The following PALMD variants were observed in gnomAD, a reference collection of about 807,000 sequenced individuals.
The protein encoded by PALMD is palmdelphin, also known as paralemmin-like protein.
PALMD carries 42 observed loss-of-function variants against 56.2 expected under a neutral mutation model. That is an observed-to-expected ratio of 0.75 (90% CI 0.58 to 0.97). The LOEUF (loss-of-function observed/expected upper bound fraction) is 0.97. Ranked by LOEUF, PALMD falls within the 50% of genes least tolerant of loss-of-function variation. PALMD has a pLI of 0.00. For missense variants in PALMD, 660 were observed against 643.8 expected, an observed-to-expected ratio of 1.03 and a Z score of -0.27; for synonymous variants, 242 against 222.9, an observed-to-expected ratio of 1.09 and a Z score of -0.76.
chr1:99,673,081 C>T (rs1571068245), intron 3 of PALMD, among the ~76,000 whole-genome samples: 1 of 152,074 alleles, frequency 6.6e-6, no homozygotes, highest in South Asian at 2.1e-4. Context: ...GAAAATTCCT[C>T]CACAAAAGGA....
At chr1:99,682,112 T>C (rs778084467) in intron 3 of PALMD, among the ~76,000 whole-genome samples, 31 of 152,326 alleles carry the variant, frequency 2.0e-4, no homozygotes, top group Non-Finnish European at 3.4e-4. Context: ...CATTCTGATC[T>C]TTTAGAAAGC....
At chr1:99,688,695 T>A in intron 6 of PALMD, 80 bp from the exon 7 acceptor site, 2 of 920,090 alleles carry the variant, frequency 2.2e-6, no homozygotes, top group South Asian at 3.4e-5. Context: ...CTACTTAATA[T>A]AAAAATAAAC....
At chr1:99,667,613 G>A (rs1376060697) in intron 2 of PALMD, 29 bp from the exon 3 acceptor site, 3 of 1,599,120 alleles carry the variant, frequency 1.9e-6, no homozygotes, top group Non-Finnish European at 2.6e-6. Flanking sequence ...ACCAATATAA[G>A]AACATATCTT....
intron 3 of PALMD, among the ~76,000 whole-genome samples, chr1:99,678,898 A>G (rs1460092543): frequency 6.6e-6 from 1 of 152,048 alleles, no homozygotes; most frequent in Admixed American, 6.5e-5. Flanking sequence ...GGCCAAGGCA[A>G]GGCGGGAGGA....
chr1:99,680,842 A>G (rs182135662), intron 3 of PALMD, among the ~76,000 whole-genome samples: 216 of 151,588 alleles, frequency 1.4e-3, no homozygotes, highest in African/African-American at 5.1e-3. Flanking sequence ...ATATGTGTGT[A>G]TATATATGCA....
intron 1 of PALMD, among the ~76,000 whole-genome samples, chr1:99,648,888 C>CAAAA (rs34722891): frequency 1.0e-4 from 13 of 126,926 alleles, no homozygotes; most frequent in African/African-American, 3.3e-4. Context: ...TTCTTTTTCT[C>CAAAA]AAAAAAAAAA....
intron 3 of PALMD, among the ~76,000 whole-genome samples, chr1:99,674,255 C>G (rs1444264553): frequency 3.9e-5 from 6 of 152,022 alleles, no homozygotes; most frequent in African/African-American, 1.5e-4. Context: ...TGGTTACTGG[C>G]CCCCACCATG....
Position 99,689,620 on chromosome 1 carries a change from G to T in PALMD, c.1360G>T (p.Asp454Tyr), listed in dbSNP as rs1385900275. 2 of 1,613,656 alleles carry T rather than the reference G, an allele frequency of 1.2e-6. No individual in the cohort carries two copies. Among genetic ancestry groups the T allele is most frequent in the Admixed American group, 1.7e-5 (1 of 59,906 alleles). The change falls in exon 7 of 8, where the codon GAT becomes TAT. Residue 454 changes from aspartate (D) to tyrosine (Y), a missense_variant. Transcript: ENST00000263174. ...TGTGATTGATGATGAGGAGGAGGAGGATGAAGGAGAAGCAGAGAAACCGTC... is the reference window on the plus strand; with the variant it reads ...TGTGATTGATGATGAGGAGGAGGAGTATGAAGGAGAAGCAGAGAAACCGTC... ...LVVIDDEEEE[D>Y]EGEAEKPSYH... is the part of the protein sequence containing the mutation.
chr1:99,683,475 G>C (rs1653418390), intron 3 of PALMD: 9 of 152,082 alleles, frequency 5.9e-5, no homozygotes, highest in Admixed American at 5.9e-4. Context: ...CAATTATTCA[G>C]GTCACAAACA....
At chr1:99,656,483 A>G (rs1652727692) in intron 1 of PALMD, among the ~76,000 whole-genome samples, 1 of 152,222 alleles carries the variant, frequency 6.6e-6, no homozygotes, top group Non-Finnish European at 1.5e-5. Context: ...CAATGAAAAT[A>G]TCAGCAAAGC....
intron 3 of PALMD, among the ~76,000 whole-genome samples, chr1:99,681,131 GTGTGTATGTA>G (rs754373253): frequency 1.6e-4 from 22 of 140,946 alleles, no homozygotes; most frequent in Non-Finnish European, 3.1e-4. Context: ...GTGTGTGTGT[GTGTGTATGTA>G]TATATATATA....
At chr1:99,664,430 G>A (rs1652916714) in intron 2 of PALMD, among the ~76,000 whole-genome samples, 1 of 152,060 alleles carries the variant, frequency 6.6e-6, no homozygotes, top group Non-Finnish European at 1.5e-5. Context: ...AAGCTATGAA[G>A]CTAGACACTA....
chr1:99,667,015 G>T (rs532532807), intron 2 of PALMD, among the ~76,000 whole-genome samples: 1 of 152,286 alleles, frequency 6.6e-6, no homozygotes, highest in East Asian at 1.9e-4. Context: ...TATAACCAGG[G>T]AGATTCTGAG....
intron 3 of PALMD, among the ~76,000 whole-genome samples, chr1:99,683,090 GAAAGAAAGAAAGAAAGAAAGAA>G (rs1191567395): frequency 7.1e-4 from 23 of 32,390 alleles, no homozygotes; most frequent in South Asian, 1.2e-3. Context: ...GAGAGAGAGA[GAAAGAAAGAAAGAAAGAAAGAA>G]AGAAAGAAAG....
Position 99,689,178 on chromosome 1 carries a change from C to A in PALMD, c.918C>A (p.Gly306=). The A allele has an allele frequency of 6.2e-7, 1 of 1,613,208 alleles. No homozygotes were observed. Among genetic ancestry groups the A allele is most frequent in the East Asian group, 2.2e-5 (1 of 44,842 alleles). The change falls in exon 7 of 8, where the codon GGC becomes GGA. Residue 306 remains glycine (G), a synonymous_variant. Coordinates refer to ENST00000263174, the MANE Select transcript of PALMD (RefSeq NM_017734.5). ...TAAATGAATCCATACACAATATGGG[C>A]AATGGTCTTTCAGAGGAAAGGGGAA... is the stretch of plus-strand genomic sequence containing the variant. ...IGVNESIHNM[G]NGLSEERGNN...
At chr1:99,662,529 C>T (rs1349874959) in intron 2 of PALMD, 130 bp downstream of exon 2, 2 of 653,510 alleles carry the variant, frequency 3.1e-6, no homozygotes, top group Non-Finnish European at 5.5e-6. Flanking sequence ...ATTGTAATAA[C>T]CATAGGGGAG....
rs565037478 is a variant in PALMD, at chr1:99,689,638, A to G, written c.1378A>G (p.Lys460Glu). The G allele has an allele frequency of 1.9e-6, 3 of 1,613,532 alleles. No individual in the cohort carries two copies. The highest frequency in any genetic ancestry group is 2.5e-6 in the Non-Finnish European group (3 of 1,179,822). ...EEEEDEGEAE[K>E]PSYHPIAPHS... The stretch of plus-strand genomic sequence containing the variant: ...GGAGGAGGATGAAGGAGAAGCAGAG[A>G]AACCGTCCTACCACCCCATAGCTCC... Residue 460 changes from lysine to glutamate, a missense_variant, in exon 7 of 8, where the codon AAA (lysine) becomes GAA (glutamate). Physicochemically the swap from Lys to Glu is moderately conservative, Grantham distance 56. Coordinates refer to ENST00000263174, the MANE Select transcript of PALMD (RefSeq NM_017734.5).
chr1:99,665,770 A>G (rs556649529), intron 2 of PALMD, among the ~76,000 whole-genome samples: 2 of 152,300 alleles, frequency 1.3e-5, no homozygotes, highest in African/African-American at 4.8e-5. Flanking sequence ...ATTAGCTAAA[A>G]TTCCATTAGA....
intron 7 of PALMD, among the ~76,000 whole-genome samples, chr1:99,691,910 A>G (rs1653659908): frequency 6.6e-6 from 1 of 152,192 alleles, no homozygotes; most frequent in Admixed American, 6.5e-5. Context: ...TTTAATTTGG[A>G]AAACAGCGTG....
Sources: allele counts gnomAD v4.1 joint callset (sites outside exome capture counted in the v4.1 genomes callset), GRCh38; gene constraint gnomAD v4.1.1; transcripts MANE v1.5; gene names NCBI Gene and HGNC (gene_info 2026-07-23, HGNC 2026-07-21).